The following PDCD1LG2 variants were observed in gnomAD, a reference collection of about 807,000 sequenced individuals.
The protein encoded by PDCD1LG2 is B7 dendritic cell molecule.
PDCD1LG2 carries 32 observed loss-of-function variants against 28.2 expected under a neutral mutation model. The observed-to-expected ratio is 1.13, with a 90% CI of 0.86 to 1.52. The LOEUF (loss-of-function observed/expected upper bound fraction) is 1.52, where lower values mean the gene tolerates loss of function less well. Ranked by LOEUF, PDCD1LG2 falls within the 40% of genes most tolerant of loss-of-function variation. The pLI, the probability that PDCD1LG2 is intolerant of heterozygous loss-of-function variation, is 0.00. For missense variants in PDCD1LG2, 385 were observed against 323.8 expected (o/e 1.19, Z -1.45); for synonymous variants, 116 against 120.2 (o/e 0.97, Z 0.23).
intron 2 of PDCD1LG2, among the ~76,000 whole-genome samples, chr9:5,523,291 A>G (rs1420195352): frequency 1.3e-5 from 2 of 152,172 alleles, no homozygotes; most frequent in East Asian, 1.9e-4. Flanking sequence ...CCATGAGTGC[A>G]CTATTTTGGA....
chr9:5,561,533 T>C (rs1375180178), intron 5 of PDCD1LG2, among the ~76,000 whole-genome samples: 2 of 152,242 alleles, frequency 1.3e-5, no homozygotes, highest in Non-Finnish European at 2.9e-5. Flanking sequence ...CAGTCAATAT[T>C]ATTATCTTTG....
intron 1 of PDCD1LG2, among the ~76,000 whole-genome samples, chr9:5,517,461 G>T (rs1235080062): frequency 6.6e-6 from 1 of 152,236 alleles, no homozygotes; most frequent in Non-Finnish European, 1.5e-5. Flanking sequence ...CTCTCGGGGA[G>T]AAGGATGGGC....
In PDCD1LG2 at chr9:5,569,954, AT is replaced by A; in HGVS notation, c.818del (p.Ile273ThrfsTer12). On this transcript the variant is annotated frameshift_variant and splice_region_variant, in exon 7 of 7. Coordinates refer to ENST00000397747, the MANE Select transcript of PDCD1LG2 (RefSeq NM_025239.4). LOFTEE classifies it high-confidence loss of function. The surrounding 1 kb of genome is among the most constrained non-coding windows in gnomAD (Gnocchi z 4.1). Reference sequence around the variant, plus strand: ...CTTATTTGTGGGCTTTTCTCCCCAGATCTGAACCTGTGGTCTTGGGAGCCAG... The same window carrying A: ...CTTATTTGTGGGCTTTTCTCCCCAGACTGAACCTGTGGTCTTGGGAGCCAG... ...TTTKREVNSA[I>X] is the part of the protein sequence containing the mutation. 1 of 1,614,072 alleles carries A rather than the reference AT, an allele frequency of 6.2e-7. No homozygotes were observed. Among genetic ancestry groups the A allele is most frequent in the Non-Finnish European group, 8.5e-7 (1 of 1,179,924 alleles).
Position 5,570,045 on chromosome 9 carries a change from G to C in PDCD1LG2, c.*86G>C, listed in dbSNP as rs2129976388. 1 of 1,560,702 alleles carries C rather than the reference G, an allele frequency of 6.4e-7. No individual in the cohort carries two copies. Among genetic ancestry groups the C allele is most frequent in the Non-Finnish European group, 8.8e-7 (1 of 1,134,858 alleles). On this transcript the variant is annotated 3_prime_UTR_variant, in exon 7 of 7. Transcript: ENST00000397747. ...GAACAAGAATTCGGTGGCCTGCAGAGCTTGCCATTTGCACTTTTCAAATGC... is the reference window on the plus strand; with the variant it reads ...GAACAAGAATTCGGTGGCCTGCAGACCTTGCCATTTGCACTTTTCAAATGC...
intron 3 of PDCD1LG2, among the ~76,000 whole-genome samples, chr9:5,547,123 A>T (rs1816226338): frequency 6.6e-6 from 1 of 152,222 alleles, no homozygotes; most frequent in East Asian, 1.9e-4. Context: ...ACAAAGCTCA[A>T]CACATAGAAA....
intron 3 of PDCD1LG2, among the ~76,000 whole-genome samples, chr9:5,537,028 G>A (rs1374071013): frequency 6.6e-6 from 1 of 152,170 alleles, no homozygotes; most frequent in Non-Finnish European, 1.5e-5. Context: ...ACACCTGATG[G>A]AACTGTTATG....
chr9:5,526,629 G>C (rs989746792), intron 2 of PDCD1LG2, among the ~76,000 whole-genome samples: 1 of 151,892 alleles, frequency 6.6e-6, no homozygotes, highest in African/African-American at 2.4e-5. Flanking sequence ...TTAGTGATGG[G>C]GTCTTGCTAT....
At chr9:5,520,417 C>G (rs765413595) in intron 1 of PDCD1LG2, among the ~76,000 whole-genome samples, 1 of 152,148 alleles carries the variant, frequency 6.6e-6, no homozygotes, top group Non-Finnish European at 1.5e-5. Flanking sequence ...AACTAAAGTT[C>G]TTATATTTAG....
intron 3 of PDCD1LG2, among the ~76,000 whole-genome samples, chr9:5,538,868 T>G (rs1161602990): frequency 6.6e-6 from 1 of 152,154 alleles, no homozygotes; most frequent in Non-Finnish European, 1.5e-5. Context: ...ATAATTGTAC[T>G]TATTTATGGG....
intron 3 of PDCD1LG2, among the ~76,000 whole-genome samples, chr9:5,538,366 T>G (rs1298359395): frequency 6.6e-6 from 1 of 152,048 alleles, no homozygotes; most frequent in Non-Finnish European, 1.5e-5. Flanking sequence ...GGAAACTATA[T>G]TGTACTATAT....
intron 5 of PDCD1LG2, among the ~76,000 whole-genome samples, chr9:5,558,088 T>C (rs1003556349): frequency 1.3e-5 from 2 of 152,216 alleles, no homozygotes; most frequent in Non-Finnish European, 2.9e-5. Context: ...ATTTTGCTGG[T>C]GGGAGGTTGC....
chr9:5,542,252 C>T (rs893530489), intron 3 of PDCD1LG2, among the ~76,000 whole-genome samples: 2 of 152,124 alleles, frequency 1.3e-5, no homozygotes, highest in Non-Finnish European at 2.9e-5. Flanking sequence ...CGAAAAAGCC[C>T]TTCTAGACAT....
At chr9:5,524,414 G>A (rs1035334514) in intron 2 of PDCD1LG2, among the ~76,000 whole-genome samples, 4 of 152,174 alleles carry the variant, frequency 2.6e-5, no homozygotes, top group Non-Finnish European at 5.9e-5. Flanking sequence ...GAATTATGTT[G>A]CTGAATTAAC....
intron 1 of PDCD1LG2, among the ~76,000 whole-genome samples, chr9:5,520,826 T>C (rs1820259227): frequency 6.6e-6 from 1 of 152,176 alleles, no homozygotes; most frequent in African/African-American, 2.4e-5. Flanking sequence ...AAAAGTTAAA[T>C]ATAGAGTTAC....
intron 1 of PDCD1LG2, among the ~76,000 whole-genome samples, chr9:5,513,649 T>A (rs1217292963): frequency 6.6e-6 from 1 of 152,216 alleles, no homozygotes; most frequent in Non-Finnish European, 1.5e-5. Flanking sequence ...CTCTATTAAA[T>A]TGAGTAGAAT....
chr9:5,561,068 A>G (rs1816550913), intron 5 of PDCD1LG2, among the ~76,000 whole-genome samples: 1 of 152,178 alleles, frequency 6.6e-6, no homozygotes, highest in South Asian at 2.1e-4. Context: ...ATTACCTGGC[A>G]TATAATAAAT....
At position 5,516,192 on chromosome 9, in the gene PDCD1LG2, C is replaced by T. The variant is rs185835750; in HGVS notation, c.-15+5389C>T. Among the ~76,000 whole-genome samples the T allele has an allele frequency of 3.5e-3, 535 of 152,166 alleles. 4 individuals are homozygous for T. The highest frequency in any genetic ancestry group is 0.014 in the Middle Eastern group (4 of 294). ...TCAGCCTCCCGAGTAGCTGGTATTA[C>T]AGACACCCACCACTACATCCAGCTA... On this transcript the variant is annotated intron_variant, in intron 1 of 6. Coordinates refer to ENST00000397747, the MANE Select transcript of PDCD1LG2 (RefSeq NM_025239.4).
At chr9:5,525,578 T>C (rs1364635559) in intron 2 of PDCD1LG2, among the ~76,000 whole-genome samples, 1 of 151,798 alleles carries the variant, frequency 6.6e-6, no homozygotes, top group Non-Finnish European at 1.5e-5. Context: ...TATTATTATA[T>C]AGCATGTAGA....
chr9:5,541,933 T>C (rs1354105630), intron 3 of PDCD1LG2, among the ~76,000 whole-genome samples: 7 of 152,108 alleles, frequency 4.6e-5, no homozygotes, highest in Admixed American at 3.9e-4. Context: ...CTTCAAACCA[T>C]ACTATAACAC....
Sources: allele counts gnomAD v4.1 joint callset (sites outside exome capture counted in the v4.1 genomes callset), GRCh38; gene constraint gnomAD v4.1.1; non-coding constraint Gnocchi (gnomAD v3.1); transcripts MANE v1.5; gene names NCBI Gene and HGNC (gene_info 2026-07-23, HGNC 2026-07-21).